FANCE: variants seen among roughly 807,000 people sequenced by gnomAD.
The protein encoded by FANCE is Fanconi anemia group E protein.
In FANCE, 42 loss-of-function variants were observed where a neutral mutation model predicts 57.8. The observed-to-expected ratio is 0.73, with a 90% CI of 0.57 to 0.94. The LOEUF is 0.94. Ranked by LOEUF, FANCE falls within the 40% of genes least tolerant of loss-of-function variation. FANCE has a pLI of 0.00. For missense variants in FANCE, 608 were observed against 661.8 expected (o/e 0.92, Z 0.89); for synonymous variants, 251 against 286.4 (o/e 0.88, Z 1.25).
intron 8 of FANCE, 103 bp from the exon 9 acceptor site, chr6:35,462,686 A>G (rs1438318463): frequency 6.6e-7 from 1 of 1,511,638 alleles, no homozygotes; most frequent in Non-Finnish European, 9.1e-7. Flanking sequence ...GCCCAGGGTC[A>G]CCTAGCTAGG....
Position 35,452,348 on chromosome 6 carries a change from C to T in FANCE, c.-198C>T, listed in dbSNP as rs1445173995. 4.0e-6 allele frequency: 2 copies of T among 495,202 alleles called. No individual in the cohort carries two copies. Among genetic ancestry groups the T allele is most frequent in the South Asian group, 1.0e-4 (1 of 9,578 alleles). The allele number at this position is 495,202 out of a possible 1,614,324, so 30.7% of individuals were successfully genotyped here. A position where few individuals can be genotyped will look rare whatever the true frequency, so the allele number is the denominator to read the frequency against. On this transcript the variant is annotated 5_prime_UTR_variant, in exon 1 of 10. Coordinates refer to ENST00000229769, the MANE Select transcript of FANCE (RefSeq NM_021922.3). ...CGGCCGCGCCTCCCTCCTTCCCTTT[C>T]CGACAGCGCGGGAACGGCTGCGGCT...
chr6:35,454,962 A>G (rs904866655), intron 1 of FANCE, among the ~76,000 whole-genome samples: 38 of 152,244 alleles, frequency 2.5e-4, no homozygotes, highest in African/African-American at 9.2e-4. Flanking sequence ...AGGAAACACT[A>G]CCTTCACCTT....
rs766747763 is a variant in FANCE, at chr6:35,458,375, G to A, written c.1048G>A (p.Ala350Thr). 2 of 1,614,140 alleles carry A rather than the reference G, an allele frequency of 1.2e-6. No individual in the cohort carries two copies. Among genetic ancestry groups the A allele is most frequent in the Admixed American group, 1.7e-5 (1 of 60,016 alleles). Residue 350 changes from alanine to threonine, a missense_variant, in exon 5 of 10, where the codon GCC (alanine) becomes ACC (threonine). Ala to Thr is a moderately conservative substitution (Grantham distance 58). Transcript: ENST00000229769. Reference sequence around the variant, plus strand: ...CCTGCGGCTCTGCACCTGGCTGCTGGCCCTTTCACCTGATCTCAGCCTCAG... The same window carrying A: ...CCTGCGGCTCTGCACCTGGCTGCTGACCCTTTCACCTGATCTCAGCCTCAG... Reference protein sequence around the residue: ...GLLRLCTWLLALSPDLSLSNA... With the variant: ...GLLRLCTWLLTLSPDLSLSNA...
intron 8 of FANCE, 98 bp from the exon 9 acceptor site, chr6:35,462,691 G>C (rs1767639591): frequency 6.5e-7 from 1 of 1,546,878 alleles, no homozygotes; most frequent in Non-Finnish European, 8.9e-7. Context: ...GGGTCACCTA[G>C]CTAGGAAGTG....
At chr6:35,452,926 C>G in intron 1 of FANCE, 133 bp downstream of exon 1, 2 of 942,146 alleles carry the variant, frequency 2.1e-6, no homozygotes, top group Non-Finnish European at 2.8e-6. Flanking sequence ...GCACCCTTCA[C>G]TGAGCACTTG....
Position 35,456,652 on chromosome 6 carries a change from T to A in FANCE, c.855+299T>A, listed in dbSNP as rs1767355925. On this transcript the variant is annotated intron_variant, in intron 2 of 9. Coordinates refer to ENST00000229769, the MANE Select transcript of FANCE (RefSeq NM_021922.3). The surrounding 1 kb of genome is among the most constrained non-coding windows in gnomAD (Gnocchi z 4.3). ...GCCTCAGCTTCCTGAGTAGCTGGGATTATAGGCATGCGCCACCACGCCCAG... is the reference window on the plus strand; with the variant it reads ...GCCTCAGCTTCCTGAGTAGCTGGGAATATAGGCATGCGCCACCACGCCCAG... 6.6e-6 allele frequency among the ~76,000 whole-genome samples: 1 copy of A among 152,110 alleles called. No homozygotes were observed. The highest frequency in any genetic ancestry group is 1.5e-5 in the Non-Finnish European group (1 of 68,024).
chr6:35,463,365 A>G (rs564379954), intron 9 of FANCE, among the ~76,000 whole-genome samples: 1 of 152,284 alleles, frequency 6.6e-6, no homozygotes. Flanking sequence ...GTTCAAGCCC[A>G]GGACTGGGGA....
intron 5 of FANCE, among the ~76,000 whole-genome samples, chr6:35,458,655 TGAGA>T (rs199608419): frequency 0.011 from 1,617 of 151,652 alleles, 40 homozygotes; most frequent in African/African-American, 0.036. Flanking sequence ...TTTTTTTTTT[TGAGA>T]GAGAGTGTCT....
Position 35,460,592 on chromosome 6 carries a change from G to C in FANCE, c.1357G>C (p.Val453Leu). ...GCCCTGGAAGGAGGAAACTTTCTTG[G>C]TGTTGCAGTCACTCCTAGAGCGGCA... Reference protein sequence around the residue: ...ELPWKEETFLVLQSLLERQVE... With the variant: ...ELPWKEETFLLLQSLLERQVE... The change falls in exon 8 of 10, where the codon GTG becomes CTG. Residue 453 changes from valine (V) to leucine (L), a missense_variant. By Grantham distance (32) the Val-to-Leu change is conservative (BLOSUM62 1). Coordinates refer to ENST00000229769, the MANE Select transcript of FANCE (RefSeq NM_021922.3). The C allele has an allele frequency of 6.2e-7, 1 of 1,614,132 alleles. No homozygotes were observed. Among genetic ancestry groups the C allele is most frequent in the Non-Finnish European group, 8.5e-7 (1 of 1,180,010 alleles).
At position 35,456,793 on chromosome 6, in the gene FANCE, G is replaced by A. The variant is rs1266296010; in HGVS notation, c.855+440G>A. 6.6e-6 allele frequency among the ~76,000 whole-genome samples: 1 copy of A among 152,040 alleles called. No homozygotes were observed. The highest frequency in any genetic ancestry group is 1.5e-5 in the Non-Finnish European group (1 of 68,004). On this transcript the variant is annotated intron_variant, in intron 2 of 9. Transcript: ENST00000229769. This position sits in a 1 kb window ranked among gnomAD's most constrained non-coding sequence, Gnocchi z 4.3. ...CCTCCAAAGTGTTGGGATAACAGGT[G>A]TGAGCCACCACGCCCAGCCACTCCA...
In FANCE at chr6:35,456,671, C is replaced by T. The variant is rs896464131; in HGVS notation, c.855+318C>T. 2.6e-5 allele frequency among the ~76,000 whole-genome samples: 4 copies of T among 152,068 alleles called. No individual in the cohort carries two copies. The highest frequency in any genetic ancestry group is 4.8e-5 in the African/African-American group (2 of 41,396). ...CTGGGATTATAGGCATGCGCCACCACGCCCAGCTAATTTTGTATTTTTAGT... is the reference window on the plus strand; with the variant it reads ...CTGGGATTATAGGCATGCGCCACCATGCCCAGCTAATTTTGTATTTTTAGT... On this transcript the variant is annotated intron_variant, in intron 2 of 9. Transcript: ENST00000229769. This position sits in a 1 kb window ranked among gnomAD's most constrained non-coding sequence, Gnocchi z 4.3.
intron 9 of FANCE, among the ~76,000 whole-genome samples, chr6:35,464,650 G>A (rs970481507): frequency 1.3e-5 from 2 of 151,574 alleles, no homozygotes; most frequent in African/African-American, 4.9e-5. Flanking sequence ...ACCACACCCA[G>A]CCTCAGGCGT....
chr6:35,459,188 G>T, intron 5 of FANCE, 143 bp from the exon 6 acceptor site: 1 of 994,872 alleles, frequency 1.0e-6, no homozygotes, highest in Admixed American at 2.1e-5. Context: ...TTTTCCAATG[G>T]GTGGGTCCAT....
intron 8 of FANCE, among the ~76,000 whole-genome samples, chr6:35,462,455 G>A (rs140909223): frequency 1.3e-5 from 2 of 152,192 alleles, no homozygotes; most frequent in African/African-American, 4.8e-5. Flanking sequence ...AGTGTCTCTT[G>A]GGCCCTGGGT....
In FANCE at chr6:35,462,931, C is replaced by A. The variant is rs748424208; in HGVS notation, c.1509+17C>A. ...CAGGCTAACGTGAGTATTGATAGGG[C>A]CTTGGGGCTGGTCCTGCTGGCAGGG... On this transcript the variant is annotated intron_variant, in intron 9 of 9. Transcript: ENST00000229769. The A allele has an allele frequency of 6.2e-7, 1 of 1,613,982 alleles. No individual in the cohort carries two copies. Among genetic ancestry groups the A allele is most frequent in the Non-Finnish European group, 8.5e-7 (1 of 1,179,922 alleles).
At chr6:35,466,095 A>G (rs946785851) in intron 9 of FANCE, 149 bp from the exon 10 acceptor site, 17 of 660,738 alleles carry the variant, frequency 2.6e-5, no homozygotes, top group East Asian at 1.6e-4. Flanking sequence ...CTCGTTAACC[A>G]TGGTGAAATA....
chr6:35,454,359 C>T (rs1332109581), intron 1 of FANCE, among the ~76,000 whole-genome samples: 2 of 152,188 alleles, frequency 1.3e-5, no homozygotes, highest in Non-Finnish European at 2.9e-5. Flanking sequence ...TGAGCCACTG[C>T]GCCCAGCCCA....
chr6:35,452,535 C>G lies in FANCE; in HGVS notation c.-11C>G. On this transcript the variant is annotated 5_prime_UTR_variant, in exon 1 of 10. Coordinates refer to ENST00000229769, the MANE Select transcript of FANCE (RefSeq NM_021922.3). Reference sequence around the variant, plus strand: ...CCAGAGTAGGGGGCGGCGCGGCACCCGTGCCCCGGCATGGCGACACCGGAC... The same window carrying G: ...CCAGAGTAGGGGGCGGCGCGGCACCGGTGCCCCGGCATGGCGACACCGGAC... 1 of 1,302,024 alleles carries G rather than the reference C, an allele frequency of 7.7e-7. No homozygotes were observed. Among genetic ancestry groups the G allele is most frequent in the Non-Finnish European group, 9.8e-7 (1 of 1,022,290 alleles). 80.7% of individuals were successfully genotyped at this position (1,302,024 alleles called of 1,614,324 possible).
chr6:35,463,956 G>A (rs1478271280), intron 9 of FANCE, among the ~76,000 whole-genome samples: 1 of 152,000 alleles, frequency 6.6e-6, no homozygotes, highest in Admixed American at 6.6e-5. Flanking sequence ...GAGCTGTCGT[G>A]CCCAGACTTC....
Sources: gnomAD v4.1 joint callset for allele counts (sites outside exome capture counted in the v4.1 genomes callset) on GRCh38, gnomAD v4.1.1 for gene constraint, Gnocchi (gnomAD v3.1) non-coding constraint, MANE v1.5 for transcripts, NCBI Gene and HGNC (gene_info 2026-07-23, HGNC 2026-07-21) for gene names.